Variants in OR2A1 observed in about 807,000 individuals in gnomAD.
The protein encoded by OR2A1 is olfactory receptor 2A1/2A42.
For synonymous variants in OR2A1, 2 were observed against 94.7 expected, an observed-to-expected ratio of 0.02 and a Z score of 5.68; for missense variants, 1 against 212.3, an observed-to-expected ratio of 0.00 and a Z score of 6.19.
chr7:144,313,481 C>A (rs1336438644), intron 1 of OR2A1, among the ~76,000 whole-genome samples: 9 of 136,200 alleles, frequency 6.6e-5, no homozygotes, highest in African/African-American at 2.4e-4. Context: ...CTACTATAAT[C>A]GGTATACTTG....
At position 144,322,439 on chromosome 7, in the gene OR2A1, C is replaced by G. The variant is rs1587008472; in HGVS notation, c.*3382C>G. The stretch of plus-strand genomic sequence containing the variant: ...GTAGCTGATAATTATTGAGCACTTA[C>G]TATGTGGTTGGCACTGCATAAAATG... On this transcript the variant is annotated 3_prime_UTR_variant, in exon 2 of 2. Coordinates refer to ENST00000641044, the MANE Select transcript of OR2A1 (RefSeq NM_001005287.2). 6.6e-6 allele frequency: 1 copy of G among 150,854 alleles called. No individual in the cohort carries two copies. Among genetic ancestry groups the G allele is most frequent in the East Asian group, 1.9e-4 (1 of 5,182 alleles). 9.3% of individuals were successfully genotyped at this position (150,854 alleles called of 1,614,324 possible). A position where few individuals can be genotyped will look rare whatever the true frequency, so the allele number is the denominator to read the frequency against.
At chr7:144,317,996 TAACTTAA>T in intron 1 of OR2A1, 118 bp from the exon 2 acceptor site, 1 of 399,068 alleles carries the variant, frequency 2.5e-6, no homozygotes, top group South Asian at 2.2e-5. Flanking sequence ...AATCAGTAAT[TAACTTAA>T]TGTGTAGCTC....
Position 144,321,583 on chromosome 7 carries a change from G to A in OR2A1, c.*2526G>A, listed in dbSNP as rs1466531198. ...GTGCGTACCGGAGGCCCTGGTTCTA[G>A]TTCCAGATGTACCATTTGCTAGCTG... On this transcript the variant is annotated 3_prime_UTR_variant, in exon 2 of 2. Coordinates refer to ENST00000641044, the MANE Select transcript of OR2A1 (RefSeq NM_001005287.2). 2.0e-5 allele frequency: 3 copies of A among 150,640 alleles called. No individual in the cohort carries two copies. Among genetic ancestry groups the A allele is most frequent in the African/African-American group, 7.5e-5 (3 of 40,228 alleles). The allele number at this position is 150,640 out of a possible 1,614,324, so 9.3% of individuals were successfully genotyped here. A position where few individuals can be genotyped will look rare whatever the true frequency, so the allele number is the denominator to read the frequency against.
rs62484822 is a variant in OR2A1 at position 144,320,359 on chromosome 7, G to A, written c.*1302G>A. ...TTTAGAACTATACTTGGTTCTGGGTGGTAAGATCCAGAACAAAGACATCTC... is the reference window on the plus strand; with the variant it reads ...TTTAGAACTATACTTGGTTCTGGGTAGTAAGATCCAGAACAAAGACATCTC... On this transcript the variant is annotated 3_prime_UTR_variant, in exon 2 of 2. Transcript: ENST00000641044. The A allele has an allele frequency of 0.15, 13,462 of 92,014 alleles. 421 individuals carry two copies. Among genetic ancestry groups the A allele is most frequent in the African/African-American group, 0.27 (5,119 of 19,194 alleles). The allele number at this position is 92,014 out of a possible 1,614,324, so 5.7% of individuals were successfully genotyped here.
rs561940606 is a variant in OR2A1 at position 144,322,549 on chromosome 7, A to G, written c.*3492A>G. Reference sequence around the variant, plus strand: ...AAGGGGGGGAAATAAAGTTTAGTGTAATTAATTAATTTATTCAAGGTCGCC... The same window carrying G: ...AAGGGGGGGAAATAAAGTTTAGTGTGATTAATTAATTTATTCAAGGTCGCC... On this transcript the variant is annotated 3_prime_UTR_variant, in exon 2 of 2. Coordinates refer to ENST00000641044, the MANE Select transcript of OR2A1 (RefSeq NM_001005287.2). The G allele has an allele frequency of 3.5e-4, 53 of 150,700 alleles. No homozygotes were observed. The highest frequency in any genetic ancestry group is 1.2e-3 in the African/African-American group (49 of 40,892). 9.3% of individuals were successfully genotyped at this position (150,700 alleles called of 1,614,324 possible). A position where few individuals can be genotyped will look rare whatever the true frequency, so the allele number is the denominator to read the frequency against.
chr7:144,312,134 A>G (rs571239004), upstream of OR2A1, among the ~76,000 whole-genome samples: 1 of 99,762 alleles, frequency 1.0e-5, no homozygotes, highest in South Asian at 3.4e-4. Context: ...ATGTTGTCTC[A>G]GAGGTGTGCT....
At position 144,320,418 on chromosome 7, in the gene OR2A1, A is replaced by C. The variant is rs1231536708; in HGVS notation, c.*1361A>C. 7.2e-5 allele frequency: 7 copies of C among 97,256 alleles called. No homozygotes were observed. Among genetic ancestry groups the C allele is most frequent in the Admixed American group, 1.1e-4 (1 of 8,864 alleles). The allele number at this position is 97,256 out of a possible 1,614,324, so 6.0% of individuals were successfully genotyped here. A position where few individuals can be genotyped will look rare whatever the true frequency, so the allele number is the denominator to read the frequency against. On this transcript the variant is annotated 3_prime_UTR_variant, in exon 2 of 2. Transcript: ENST00000641044. ...ATACAACACTCACATGCTCACGTAC[A>C]TGCGTGTGCACACACACACACACAC...
In OR2A1 at chr7:144,318,215, T is replaced by TCCCTGTTCTATATCTTCA; in HGVS notation, c.97_114dup (p.Phe33_Leu38dup). The TCCCTGTTCTATATCTTCA allele has an allele frequency of 3.1e-6, 3 of 960,896 alleles. No individual in the cohort carries two copies. The highest frequency in any genetic ancestry group is 1.3e-5 in the South Asian group (1 of 77,274). 59.5% of individuals were successfully genotyped at this position (960,896 alleles called of 1,614,324 possible). ...TCAGATGCTCCTCTTTGGGCTCTTCTCCCTGTTCTATATCTTCACCCTGCT... is the reference window on the plus strand; with the variant it reads ...TCAGATGCTCCTCTTTGGGCTCTTCTCCCTGTTCTATATCTTCACCCTGTTCTATATCTTCACCCTGCT... On this transcript the variant is annotated inframe_insertion, in exon 2 of 2. Transcript: ENST00000641044.
rs765822103 is a variant in OR2A1, at chr7:144,318,499, C to CT, written c.376dup (p.Cys126LeufsTer47). The CT allele has an allele frequency of 5.1e-6, 4 of 779,262 alleles. No individual in the cohort carries two copies. Among genetic ancestry groups the CT allele is most frequent in the Non-Finnish European group, 9.5e-6 (4 of 419,150 alleles). The allele number at this position is 779,262 out of a possible 1,614,324, so 48.3% of individuals were successfully genotyped here. On this transcript the variant is annotated frameshift_variant, in exon 2 of 2. Coordinates refer to ENST00000641044, the MANE Select transcript of OR2A1 (RefSeq NM_001005287.2). LOFTEE classifies it low-confidence loss of function (END_TRUNC). ...TGTCCTACGATCGTTACGTGGCCAT[C>CT]TGCCACCCTCTCCGATACTCCGTCA...
In OR2A1 at chr7:144,320,433, C is replaced by CAG. The variant is rs2053146743; in HGVS notation, c.*1377_*1378insGA. The CAG allele has an allele frequency of 7.5e-6, 1 of 133,608 alleles. No homozygotes were observed. The highest frequency in any genetic ancestry group is 2.4e-4 in the South Asian group (1 of 4,250). 8.3% of individuals were successfully genotyped at this position (133,608 alleles called of 1,614,324 possible). A position where few individuals can be genotyped will look rare whatever the true frequency, so the allele number is the denominator to read the frequency against. On this transcript the variant is annotated 3_prime_UTR_variant, in exon 2 of 2. Transcript: ENST00000641044. ...GCTCACGTACATGCGTGTGCACACA[C>CAG]ACACACACACACACACATATACGCA...
chr7:144,322,635 G>A lies in OR2A1; in HGVS notation c.*3578G>A, dbSNP rs1387558969. ...GGCAGTCTGACTGTAAATAAATTCT[G>A]AGCCACTCTCTTGCAGAGGACCTCC... On this transcript the variant is annotated 3_prime_UTR_variant, in exon 2 of 2. Coordinates refer to ENST00000641044, the MANE Select transcript of OR2A1 (RefSeq NM_001005287.2). 1 of 150,088 alleles carries A rather than the reference G, an allele frequency of 6.7e-6. No individual in the cohort carries two copies. The highest frequency in any genetic ancestry group is 2.5e-5 in the African/African-American group (1 of 40,588). 9.3% of individuals were successfully genotyped at this position (150,088 alleles called of 1,614,324 possible). A position where few individuals can be genotyped will look rare whatever the true frequency, so the allele number is the denominator to read the frequency against.
In OR2A1 at chr7:144,315,857, G is replaced by T. The variant is rs570580021; in HGVS notation, c.-4-2264G>T. Among the ~76,000 whole-genome samples the T allele has an allele frequency of 2.7e-3, 244 of 88,766 alleles. 3 individuals are homozygous for T. Among genetic ancestry groups the T allele is most frequent in the Non-Finnish European group, 5.0e-3 (180 of 36,216 alleles). 58.2% of individuals were successfully genotyped at this position (88,766 alleles called of 152,430 possible). On this transcript the variant is annotated intron_variant, in intron 1 of 1. Transcript: ENST00000641044. ...AAAAAATATTTATTTAAAAAAATTA[G>T]CTAGGTATGGTGGCATGCACCTGTA... is the stretch of plus-strand genomic sequence containing the variant.
chr7:144,316,081 C>T (rs1215898423), intron 1 of OR2A1, among the ~76,000 whole-genome samples: 5 of 149,456 alleles, frequency 3.3e-5, no homozygotes, highest in East Asian at 1.9e-4. Flanking sequence ...ATATGCTTTG[C>T]GTGTTTTCCA....
Position 144,322,143 on chromosome 7 carries a change from CT to C in OR2A1, c.*3091del, listed in dbSNP as rs1465945671. Reference sequence around the variant, plus strand: ...TTCAGATTTTGGTTTTGGTTTCCAACTTTTTGTAATCCTCAACCTGGGATTT... The same window carrying C: ...TTCAGATTTTGGTTTTGGTTTCCAACTTTTGTAATCCTCAACCTGGGATTT... On this transcript the variant is annotated 3_prime_UTR_variant, in exon 2 of 2. Transcript: ENST00000641044. The C allele has an allele frequency of 7.0e-6, 1 of 143,586 alleles. No individual in the cohort carries two copies. The highest frequency in any genetic ancestry group is 2.7e-5 in the African/African-American group (1 of 37,052). 8.9% of individuals were successfully genotyped at this position (143,586 alleles called of 1,614,324 possible).
chr7:144,313,307 C>A (rs1489075186), intron 1 of OR2A1, among the ~76,000 whole-genome samples: 1 of 96,816 alleles, frequency 1.0e-5, no homozygotes, highest in Non-Finnish European at 2.0e-5. Flanking sequence ...ATTCCAGGCA[C>A]AATATATAGT....
intron 1 of OR2A1, among the ~76,000 whole-genome samples, chr7:144,316,712 A>C (rs201450834): frequency 0.055 from 7,866 of 143,974 alleles, 67 homozygotes; most frequent in Admixed American, 0.087. Flanking sequence ...TATATGTACC[A>C]CATTTTCTTT....
At chr7:144,316,578 C>T (rs1587001720) in intron 1 of OR2A1, among the ~76,000 whole-genome samples, 1 of 151,872 alleles carries the variant, frequency 6.6e-6, no homozygotes, top group Non-Finnish European at 1.5e-5. Flanking sequence ...TATGTGAGAA[C>T]ATTCGGTATT....
At chr7:144,316,129 T>TA (rs2053074796) in intron 1 of OR2A1, among the ~76,000 whole-genome samples, 2 of 148,216 alleles carry the variant, frequency 1.3e-5, no homozygotes, top group Non-Finnish European at 3.0e-5. Context: ...AGTATTTTTT[T>TA]AATAGAATCC....
chr7:144,320,445 CACACAT>C lies in OR2A1; in HGVS notation c.*1390_*1395del, dbSNP rs1233741081. On this transcript the variant is annotated 3_prime_UTR_variant, in exon 2 of 2. Transcript: ENST00000641044. ...GCGTGTGCACACACACACACACACA[CACACAT>C]ATACGCACAGTGCTTAGTGAAGCAC... The C allele has an allele frequency of 1.5e-5, 2 of 132,532 alleles. No individual in the cohort carries two copies. Among genetic ancestry groups the C allele is most frequent in the African/African-American group, 3.4e-5 (1 of 29,268 alleles). 8.2% of individuals were successfully genotyped at this position (132,532 alleles called of 1,614,324 possible). A position where few individuals can be genotyped will look rare whatever the true frequency, so the allele number is the denominator to read the frequency against.
Sources: gnomAD v4.1 joint callset for allele counts (sites outside exome capture counted in the v4.1 genomes callset) on GRCh38, gnomAD v4.1.1 for gene constraint, MANE v1.5 for transcripts, NCBI Gene and HGNC (gene_info 2026-07-23, HGNC 2026-07-21) for gene names.